Variants in RYR2 observed in about 807,000 individuals in gnomAD.
RYR2 encodes ryanodine receptor 2.
RYR2 carries 227 observed loss-of-function variants against 601.1 expected under a neutral mutation model. That is an observed-to-expected ratio of 0.38 (90% CI 0.34 to 0.42). The LOEUF is 0.42. RYR2 is among the 10% of genes least tolerant of loss of function. The probability of loss-of-function intolerance (pLI) is 1.00; values close to 1 mark genes in which losing one functional copy is unlikely to be tolerated. For missense variants in RYR2, 4,646 were observed against 6,156.5 expected (o/e 0.75, Z 8.21); for synonymous variants, 2,223 against 2,175.1 (o/e 1.02, Z -0.61).
chr1:237,503,167 G>C (rs1664846181), intron 21 of RYR2, 122 bp from the exon 22 acceptor site: 1 of 789,068 alleles, frequency 1.3e-6, no homozygotes. Flanking sequence ...ATGGTACGTA[G>C]GGGAAAATGT....
chr1:237,138,313 G>A (rs765269678), intron 1 of RYR2, among the ~76,000 whole-genome samples: 4 of 152,176 alleles, frequency 2.6e-5, no homozygotes, highest in Non-Finnish European at 4.4e-5. Flanking sequence ...AATTACAGGC[G>A]TGAGCCACCA....
chr1:237,436,184 A>G (rs530095242), intron 12 of RYR2, among the ~76,000 whole-genome samples: 1 of 152,148 alleles, frequency 6.6e-6, no homozygotes, highest in Non-Finnish European at 1.5e-5. Flanking sequence ...CCTCTACAAG[A>G]TCCCTTGACC....
At chr1:237,451,637 G>C (rs1658138269) in intron 14 of RYR2, among the ~76,000 whole-genome samples, 1 of 150,066 alleles carries the variant, frequency 6.7e-6, no homozygotes, top group Admixed American at 6.6e-5. Context: ...AATATATTTA[G>C]AAGCTTTGAA....
intron 1 of RYR2, among the ~76,000 whole-genome samples, chr1:237,202,015 G>A (rs1681249464): frequency 6.6e-6 from 1 of 152,178 alleles, no homozygotes; most frequent in Non-Finnish European, 1.5e-5. Context: ...ATGAGTGCAA[G>A]ATAAAATGTT....
chr1:237,821,143 A>G (rs1369659908), intron 101 of RYR2, among the ~76,000 whole-genome samples: 1 of 152,218 alleles, frequency 6.6e-6, no homozygotes, highest in Non-Finnish European at 1.5e-5. Flanking sequence ...TGAGGAGAGC[A>G]GCAGATCTCC....
At chr1:237,065,628 T>C (rs1451603296) in intron 1 of RYR2, among the ~76,000 whole-genome samples, 1 of 152,098 alleles carries the variant, frequency 6.6e-6, no homozygotes, top group Non-Finnish European at 1.5e-5. Context: ...AGTGCCACCA[T>C]CCCTAGCCCA....
intron 1 of RYR2, among the ~76,000 whole-genome samples, chr1:237,152,080 C>T (rs1674768234): frequency 1.3e-5 from 2 of 152,040 alleles, no homozygotes; most frequent in Non-Finnish European, 2.9e-5. Context: ...GTTCAGCTCC[C>T]ACTTATGAGC....
intron 51 of RYR2, among the ~76,000 whole-genome samples, chr1:237,652,320 C>T (rs1682839818): frequency 6.6e-6 from 1 of 152,174 alleles, no homozygotes; most frequent in Non-Finnish European, 1.5e-5. Flanking sequence ...TCAAGTCTCA[C>T]TCTATCTTAC....
chr1:237,831,650 G>A, intron 104 of RYR2, 85 bp downstream of exon 104: 1 of 776,020 alleles, frequency 1.3e-6, no homozygotes, highest in Non-Finnish European at 2.2e-6. Flanking sequence ...ATTAAACAGT[G>A]AGGCACGGAA....
chr1:237,371,033 A>T (rs1700600031), intron 6 of RYR2, among the ~76,000 whole-genome samples: 1 of 152,186 alleles, frequency 6.6e-6, no homozygotes, highest in South Asian at 2.1e-4. Flanking sequence ...AAGTTGCAGA[A>T]GAAAAATTCT....
intron 12 of RYR2, among the ~76,000 whole-genome samples, chr1:237,428,647 C>G (rs980007266): frequency 6.6e-6 from 1 of 151,556 alleles, no homozygotes; most frequent in African/African-American, 2.4e-5. Context: ...ATAGCTAATG[C>G]ATGTGGGGCG....
chr1:237,726,291 C>T lies in RYR2; in HGVS notation c.10708C>T (p.Arg3570Trp), dbSNP rs765835441. The T allele has an allele frequency of 1.6e-5, 25 of 1,589,012 alleles. No individual in the cohort carries two copies. The highest frequency in any genetic ancestry group is 2.3e-5 in the South Asian group (2 of 87,670). ...HLEQKSKRVG[R>W]RHYCLVEHPQ... Reference sequence around the variant, plus strand: ...CTTTCAGAAGTCTAAACGTGTGGGTCGGAGACATTACTGTCTGGGAAGTAC... The same window carrying T: ...CTTTCAGAAGTCTAAACGTGTGGGTTGGAGACATTACTGTCTGGGAAGTAC... The change falls in exon 75 of 105, where the codon CGG becomes TGG. Residue 3570 changes from arginine to tryptophan, a missense_variant. By Grantham distance (101) the Arg-to-Trp change is moderately radical (BLOSUM62 -3). Coordinates refer to ENST00000366574, the MANE Select transcript of RYR2 (RefSeq NM_001035.3).
intron 1 of RYR2, among the ~76,000 whole-genome samples, chr1:237,052,194 T>A (rs1266462824): frequency 6.6e-6 from 1 of 152,200 alleles, no homozygotes; most frequent in Non-Finnish European, 1.5e-5. Context: ...AAGCCATAGT[T>A]CCCGTAGAGT....
Position 237,760,744 on chromosome 1 carries a change from T to C in RYR2, c.11403-211T>C, listed in dbSNP as rs2819762. 0.65 allele frequency among the ~76,000 whole-genome samples: 99,232 copies of C among 151,980 alleles called. 32,910 individuals carry two copies. Among genetic ancestry groups the C allele is most frequent in the East Asian group, 0.96 (4,964 of 5,158 alleles). Reference sequence around the variant, plus strand: ...CTAAGAATGCTTTCATGTTTGACTTTCACATGGATCATTTCAGTGTAGGCC... The same window carrying C: ...CTAAGAATGCTTTCATGTTTGACTTCCACATGGATCATTTCAGTGTAGGCC... On this transcript the variant is annotated intron_variant, in intron 83 of 104. Transcript: ENST00000366574.
At position 237,472,709 on chromosome 1, in the gene RYR2, TAGAA is replaced by T. The variant is rs565429553; in HGVS notation, c.1708+3528_1708+3531del. ...AAAAAAAAAAAAGTGAAGATGAAAG[TAGAA>T]AGAAATAAATGAAAAGAGGAAAGAA... On this transcript the variant is annotated intron_variant, in intron 17 of 104. Coordinates refer to ENST00000366574, the MANE Select transcript of RYR2 (RefSeq NM_001035.3). 2.0e-3 allele frequency among the ~76,000 whole-genome samples: 300 copies of T among 149,434 alleles called. 2 individuals carry two copies. Among genetic ancestry groups the T allele is most frequent in the African/African-American group, 6.6e-3 (270 of 40,936 alleles).
intron 100 of RYR2, among the ~76,000 whole-genome samples, chr1:237,810,535 A>G (rs1047999602): frequency 2.6e-5 from 4 of 152,228 alleles, no homozygotes; most frequent in African/African-American, 9.6e-5. Flanking sequence ...TTGAATTGAC[A>G]ACAATTTTAG....
At chr1:237,375,013 C>G (rs1700911754) in intron 7 of RYR2, among the ~76,000 whole-genome samples, 1 of 152,080 alleles carries the variant, frequency 6.6e-6, no homozygotes, top group Non-Finnish European at 1.5e-5. Flanking sequence ...GGCTTCAAAC[C>G]TTATTCTTCT....
intron 2 of RYR2, among the ~76,000 whole-genome samples, chr1:237,273,300 C>G (rs956385173): frequency 6.6e-6 from 1 of 152,146 alleles, no homozygotes; most frequent in African/African-American, 2.4e-5. Context: ...TGCTGATGAT[C>G]TCACAGGACG....
intron 25 of RYR2, among the ~76,000 whole-genome samples, chr1:237,546,480 C>T (rs547987681): frequency 2.6e-5 from 4 of 152,180 alleles, no homozygotes; most frequent in South Asian, 2.1e-4. Flanking sequence ...CAGATTCAAG[C>T]GATTCTCATG....
Sources: allele counts gnomAD v4.1 joint callset (sites outside exome capture counted in the v4.1 genomes callset), GRCh38; gene constraint gnomAD v4.1.1; transcripts MANE v1.5; gene names NCBI Gene and HGNC (gene_info 2026-07-23, HGNC 2026-07-21).